Variants in CCAR2 observed in about 807,000 individuals in gnomAD.
The protein encoded by CCAR2 is cell cycle and apoptosis regulator protein 2.
Under a neutral mutation model 108.1 loss-of-function variants are expected in CCAR2, and 21 were observed. The ratio of observed to expected loss-of-function variants is 0.19; its 90% CI spans 0.14 to 0.28. The LOEUF (loss-of-function observed/expected upper bound fraction) is 0.28, where lower values mean the gene tolerates loss of function less well. Among genes scored for constraint, CCAR2 ranks in the 10% least tolerant of loss-of-function variants. The probability of loss-of-function intolerance (pLI) is 1.00; values close to 1 mark genes in which losing one functional copy is unlikely to be tolerated. For synonymous variants in CCAR2, 577 were observed against 472.8 expected, an observed-to-expected ratio of 1.22 and a Z score of -2.86; for missense variants, 1,126 against 1,177.0, an observed-to-expected ratio of 0.96 and a Z score of 0.63.
At chr8:22,614,772 T>TTCATCCTGATGGG in intron 10 of CCAR2, 66 bp from the exon 11 acceptor site, 6 of 1,602,010 alleles carry the variant, frequency 3.7e-6, no homozygotes, top group Non-Finnish European at 3.4e-6. Flanking sequence ...GGTGGCAGCC[T>TTCATCCTGATGGG]TGCCCTGCAG....
At position 22,604,760 on chromosome 8, in the gene CCAR2, G is replaced by T; in HGVS notation, c.-121G>T. 1 of 456,258 alleles carries T rather than the reference G, an allele frequency of 2.2e-6. No homozygotes were observed. The highest frequency in any genetic ancestry group is 3.6e-4 in the Middle Eastern group (1 of 2,814). The allele number at this position is 456,258 out of a possible 1,614,324, so 28.3% of individuals were successfully genotyped here. A position where few individuals can be genotyped will look rare whatever the true frequency, so the allele number is the denominator to read the frequency against. On this transcript the variant is annotated 5_prime_UTR_variant, in exon 1 of 21. The change creates a new upstream start codon in the 5' untranslated region. Coordinates refer to ENST00000308511, the MANE Select transcript of CCAR2 (RefSeq NM_001393997.1). ...CGACCAGTGGTCGCGCTTCCGGAGA[G>T]GCGCTTCCGGTGGCGGCGGCAGCAG...
downstream of CCAR2, chr8:22,621,179 C>T: frequency 1.9e-6 from 1 of 531,818 alleles, no homozygotes; most frequent in Non-Finnish European, 3.3e-6. Context: ...GGACGGTTCT[C>T]CAAATAAAAA....
chr8:22,619,843 G>A lies in CCAR2; in HGVS notation c.*161G>A, dbSNP rs928082851. On this transcript the variant is annotated 3_prime_UTR_variant, in exon 21 of 21. Coordinates refer to ENST00000308511, the MANE Select transcript of CCAR2 (RefSeq NM_001393997.1). Reference sequence around the variant, plus strand: ...TAGGGGACGGCAGGCCATCAGGCTGGGGGCTGTGCTATGTGGGATGGATGT... The same window carrying A: ...TAGGGGACGGCAGGCCATCAGGCTGAGGGCTGTGCTATGTGGGATGGATGT... The A allele has an allele frequency of 1.1e-5, 8 of 716,606 alleles. No individual in the cohort carries two copies. The highest frequency in any genetic ancestry group is 1.7e-5 in the Non-Finnish European group (7 of 422,434). 44.4% of individuals were successfully genotyped at this position (716,606 alleles called of 1,614,324 possible). A position where few individuals can be genotyped will look rare whatever the true frequency, so the allele number is the denominator to read the frequency against.
intron 1 of CCAR2, 69 bp from the exon 2 acceptor site, chr8:22,605,667 C>A: frequency 1.1e-6 from 1 of 906,158 alleles, no homozygotes; most frequent in Non-Finnish European, 1.8e-6. Flanking sequence ...ACTTAAGATT[C>A]TCCACTTTTC....
chr8:22,613,170 C>T, intron 8 of CCAR2, 34 bp downstream of exon 8: 2 of 1,526,386 alleles, frequency 1.3e-6, no homozygotes, highest in Non-Finnish European at 1.8e-6. Flanking sequence ...CTGAGTCTTG[C>T]TGCTGGTAAT....
In CCAR2 at chr8:22,614,399, C is replaced by G. The variant is rs146613613; in HGVS notation, c.937C>G (p.Leu313Val). The G allele has an allele frequency of 1.9e-6, 3 of 1,614,184 alleles. No individual in the cohort carries two copies. Among genetic ancestry groups the G allele is most frequent in the Non-Finnish European group, 2.5e-6 (3 of 1,180,032 alleles). ...DPAYSSKVLL[L>V]SSPGLEELYR... is the part of the protein sequence containing the mutation. ...GTCTCCTCCTGCACAGGTACTGCTG[C>G]TCTCTTCCCCGGGGTTGGAGGAATT... The change falls in exon 10 of 21, where the codon CTC (leucine) becomes GTC (valine). Residue 313 changes from leucine to valine, a missense_variant. This residue lies in a region of CCAR2 where 1,013 missense variants were observed against 993.9 expected (regional missense o/e 1.02). Transcript: ENST00000308511.
intron 8 of CCAR2, chr8:22,613,744 G>T: frequency 4.2e-6 from 1 of 239,546 alleles, no homozygotes; most frequent in Non-Finnish European, 8.1e-6. Flanking sequence ...TATTTTCCTG[G>T]CCTCTAATTC....
At position 22,607,184 on chromosome 8, in the gene CCAR2, C is replaced by A. The variant is rs199887660; in HGVS notation, c.358-12C>A. ...ATGGGGTCCCCTGAATTTCCTGGCTCCTGTTCTGCAGCCCCTACTGAAGTC... is the reference window on the plus strand; with the variant it reads ...ATGGGGTCCCCTGAATTTCCTGGCTACTGTTCTGCAGCCCCTACTGAAGTC... On this transcript the variant is annotated splice_polypyrimidine_tract_variant and intron_variant, in intron 5 of 20. Transcript: ENST00000308511. 1.5e-4 allele frequency: 237 copies of A among 1,613,658 alleles called. No homozygotes were observed. The highest frequency in any genetic ancestry group is 1.9e-4 in the Non-Finnish European group (224 of 1,179,792).
intron 11 of CCAR2, 26 bp from the exon 12 acceptor site, chr8:22,615,399 T>C: frequency 6.2e-7 from 1 of 1,606,980 alleles, no homozygotes; most frequent in Non-Finnish European, 8.5e-7. Flanking sequence ...ACTAAAGAAG[T>C]TAGTACCTCC....
At position 22,604,959 on chromosome 8, in the gene CCAR2, C is replaced by A. The variant is rs549779482; in HGVS notation, c.-39+117C>A. 5.7e-4 allele frequency: 194 copies of A among 340,464 alleles called. 2 individuals are homozygous for A. The highest frequency in any genetic ancestry group is 4.0e-3 in the South Asian group (185 of 46,290). 21.1% of individuals were successfully genotyped at this position (340,464 alleles called of 1,614,324 possible). ...GCGTGGGGCGCGGAAGGGGCCGAGC[C>A]CCTCTTTGGACTGCAAGTCCCGTCT... On this transcript the variant is annotated intron_variant, in intron 1 of 20. Coordinates refer to ENST00000308511, the MANE Select transcript of CCAR2 (RefSeq NM_001393997.1).
At chr8:22,606,001 C>A in intron 2 of CCAR2, 84 bp from the exon 3 acceptor site, 1 of 1,362,076 alleles carries the variant, frequency 7.3e-7, no homozygotes, top group South Asian at 1.2e-5. Flanking sequence ...GGAGCTGTAG[C>A]CTTTGGATTT....
At position 22,618,845 on chromosome 8, in the gene CCAR2, C is replaced by T. The variant is rs767876821; in HGVS notation, c.2351C>T (p.Pro784Leu). 3.1e-6 allele frequency: 5 copies of T among 1,613,688 alleles called. No homozygotes were observed. The East Asian group carries it at 8.9e-5, about 29-fold the overall frequency. The change falls in exon 19 of 21, where the codon CCC becomes CTC. Residue 784 changes from proline to leucine, a missense_variant. This residue lies in a region of CCAR2 where 1,013 missense variants were observed against 993.9 expected (regional missense o/e 1.02). Coordinates refer to ENST00000308511, the MANE Select transcript of CCAR2 (RefSeq NM_001393997.1). ...EVLFGNLDLL[P>L]PPGKSTKPGA... Reference sequence around the variant, plus strand: ...TCTCTAGGAAACCTGGACCTGCTGCCCCCTCCTGGGAAAAGCACGAAGCCA... The same window carrying T: ...TCTCTAGGAAACCTGGACCTGCTGCTCCCTCCTGGGAAAAGCACGAAGCCA...
chr8:22,606,061 G>A (rs1339726149), intron 2 of CCAR2, 24 bp from the exon 3 acceptor site: 1 of 1,601,026 alleles, frequency 6.2e-7, no homozygotes, highest in Admixed American at 1.7e-5. Flanking sequence ...GCGGTTCCTG[G>A]AGATTGCTTC....
intron 11 of CCAR2, 185 bp from the exon 12 acceptor site, chr8:22,615,240 G>C: frequency 1.2e-6 from 1 of 864,030 alleles, no homozygotes; most frequent in Admixed American, 2.8e-5. Flanking sequence ...GTGTGGTTGC[G>C]GCCTCCCCAC....
At chr8:22,609,371 C>T (rs1021476993) in intron 7 of CCAR2, among the ~76,000 whole-genome samples, 3 of 152,136 alleles carry the variant, frequency 2.0e-5, no homozygotes, top group Admixed American at 6.5e-5. Flanking sequence ...AGGCTGGTCT[C>T]GAACTCCTGG....
chr8:22,615,222 G>T, intron 11 of CCAR2: 1 of 846,606 alleles, frequency 1.2e-6, no homozygotes, highest in Non-Finnish European at 1.8e-6. Flanking sequence ...GCACCTTGTA[G>T]GGTGCTTGTG....
chr8:22,616,824 GAAAA>G (rs1211912329), intron 14 of CCAR2, among the ~76,000 whole-genome samples: 2 of 69,170 alleles, frequency 2.9e-5, no homozygotes, highest in Non-Finnish European at 6.3e-5. Context: ...TCTCAAAAAA[GAAAA>G]AAAAAGATTT....
In CCAR2 at chr8:22,606,850, T is replaced by TC. The variant is rs897725381; in HGVS notation, c.243-59dup. 3.8e-6 allele frequency: 6 copies of TC among 1,566,314 alleles called. No homozygotes were observed. The African/African-American group carries it at 8.1e-5, about 21-fold the overall frequency. On this transcript the variant is annotated intron_variant, in intron 4 of 20. Coordinates refer to ENST00000308511, the MANE Select transcript of CCAR2 (RefSeq NM_001393997.1). Reference sequence around the variant, plus strand: ...GATGGGAAAGGCCTCATAGGGGCAGTCAGGGTGGCCTGGCCAGGGTCCCTC... The same window carrying TC: ...GATGGGAAAGGCCTCATAGGGGCAGTCCAGGGTGGCCTGGCCAGGGTCCCTC...
intron 6 of CCAR2, 112 bp downstream of exon 6, chr8:22,607,437 A>C: frequency 7.7e-7 from 1 of 1,292,918 alleles, no homozygotes; most frequent in Non-Finnish European, 1.1e-6. Context: ...GTACTGGAAG[A>C]AAGGTGGGCA....
Sources: gnomAD v4.1 joint callset for allele counts (sites outside exome capture counted in the v4.1 genomes callset) on GRCh38, gnomAD v4.1.1 for gene constraint, gnomAD v4.1.1 regional missense constraint, MANE v1.5 for transcripts, NCBI Gene and HGNC (gene_info 2026-07-23, HGNC 2026-07-21) for gene names.